The following CTNNA3 variants were observed in gnomAD, a reference collection of about 807,000 sequenced individuals.
CTNNA3 encodes the protein catenin alpha-3.
Under a neutral mutation model 95.7 loss-of-function variants are expected in CTNNA3, and 76 were observed. That is an observed-to-expected ratio of 0.79 (90% confidence interval 0.66 to 0.96). CTNNA3 has a LOEUF of 0.96. CTNNA3 is among the 40% of genes least tolerant of loss of function. The probability of loss-of-function intolerance (pLI) is 0.00; values close to 1 mark genes in which losing one functional copy is unlikely to be tolerated. For missense variants in CTNNA3, 1,191 were observed against 1,089.8 expected, an observed-to-expected ratio of 1.09 and a Z score of -1.31; for synonymous variants, 431 against 374.4, an observed-to-expected ratio of 1.15 and a Z score of -1.74.
chr10:67,473,909 G>A (rs1241125546), intron 5 of CTNNA3, among the ~76,000 whole-genome samples: 1 of 152,044 alleles, frequency 6.6e-6, no homozygotes, highest in African/African-American at 2.4e-5. Flanking sequence ...GCCTTGACAG[G>A]AATGTAGCTA....
intron 2 of CTNNA3, among the ~76,000 whole-genome samples, chr10:67,611,087 G>A (rs1843440254): frequency 6.6e-6 from 1 of 152,114 alleles, no homozygotes; most frequent in African/African-American, 2.4e-5. Context: ...AATTCTGCAA[G>A]TTTAACATTC....
At chr10:66,173,723 C>T (rs1196471535) in intron 13 of CTNNA3, among the ~76,000 whole-genome samples, 3 of 151,982 alleles carry the variant, frequency 2.0e-5, no homozygotes, top group African/African-American at 7.2e-5. Context: ...ATTGAGAGAG[C>T]AAATGTGGTA....
At chr10:66,332,747 G>C (rs10822812) in intron 12 of CTNNA3, among the ~76,000 whole-genome samples, 45,049 of 151,882 alleles carry the variant, frequency 0.3, 7,853 homozygotes, top group Non-Finnish European at 0.39. Flanking sequence ...CTCATAAAAT[G>C]AGTTAGGGAG....
intron 10 of CTNNA3, among the ~76,000 whole-genome samples, chr10:66,588,288 T>G (rs1430796142): frequency 6.6e-6 from 1 of 152,160 alleles, no homozygotes; most frequent in African/African-American, 2.4e-5. Context: ...TCCATCTGGT[T>G]CACAGTGTAG....
chr10:67,355,998 A>G (rs1842795106), intron 5 of CTNNA3, among the ~76,000 whole-genome samples: 1 of 152,008 alleles, frequency 6.6e-6, no homozygotes, highest in Admixed American at 6.6e-5. Context: ...TACAACTTTA[A>G]AGACCATCAA....
chr10:66,606,671 G>A (rs904750519), intron 10 of CTNNA3, among the ~76,000 whole-genome samples: 22 of 151,960 alleles, frequency 1.4e-4, no homozygotes, highest in African/African-American at 5.1e-4. Context: ...CTCCCAAATG[G>A]CTTTTGGGTA....
At chr10:67,622,709 C>T (rs1411665644) in intron 2 of CTNNA3, among the ~76,000 whole-genome samples, 1 of 152,182 alleles carries the variant, frequency 6.6e-6, no homozygotes, top group African/African-American at 2.4e-5. Context: ...TTTTTCTCCA[C>T]TATTTGTGTC....
intron 13 of CTNNA3, among the ~76,000 whole-genome samples, chr10:66,123,250 C>A (rs1004146452): frequency 6.6e-6 from 1 of 152,048 alleles, no homozygotes; most frequent in African/African-American, 2.4e-5. Flanking sequence ...TTGGCCAAAA[C>A]GAAGGGGCTA....
intron 5 of CTNNA3, among the ~76,000 whole-genome samples, chr10:67,376,951 T>C (rs562246431): frequency 6.6e-6 from 1 of 152,338 alleles, no homozygotes; most frequent in African/African-American, 2.4e-5. Context: ...ATAGCTATGA[T>C]GCCTTTTGAA....
chr10:67,270,261 T>C (rs1035587494), intron 5 of CTNNA3, among the ~76,000 whole-genome samples: 4 of 152,136 alleles, frequency 2.6e-5, no homozygotes, highest in Non-Finnish European at 4.4e-5. Flanking sequence ...CATCTTGACA[T>C]GTTGCTCTTT....
chr10:66,361,528 C>CTT (rs1392084559), intron 12 of CTNNA3, among the ~76,000 whole-genome samples: 5 of 148,220 alleles, frequency 3.4e-5, no homozygotes, highest in African/African-American at 1.0e-4. Context: ...CTGCATCTTT[C>CTT]TCTCTTTCTT....
chr10:67,431,787 C>T (rs1250757776), intron 5 of CTNNA3, among the ~76,000 whole-genome samples: 3 of 151,938 alleles, frequency 2.0e-5, no homozygotes, highest in Non-Finnish European at 2.9e-5. Context: ...AATGAACCCA[C>T]ATGGCTTAAA....
chr10:67,097,933 A>G (rs1305514183), intron 7 of CTNNA3: 1 of 707,140 alleles, frequency 1.4e-6, no homozygotes, highest in Non-Finnish European at 2.3e-6. Flanking sequence ...AAAATCCAAG[A>G]TTGATTCATG....
intron 7 of CTNNA3, among the ~76,000 whole-genome samples, chr10:66,889,949 C>T (rs1845201439): frequency 6.6e-6 from 1 of 152,048 alleles, no homozygotes; most frequent in African/African-American, 2.4e-5. Flanking sequence ...CGCCACCACG[C>T]CCAGCTAATT....
At chr10:66,996,046 C>G (rs1851316455) in intron 7 of CTNNA3, among the ~76,000 whole-genome samples, 2 of 152,132 alleles carry the variant, frequency 1.3e-5, no homozygotes, top group South Asian at 4.1e-4. Flanking sequence ...ATTTTACCTA[C>G]TTATTTACAT....
At chr10:66,079,133 A>T (rs1019758406) in intron 14 of CTNNA3, 7 of 151,996 alleles carry the variant, frequency 4.6e-5, no homozygotes, top group African/African-American at 1.2e-4. Flanking sequence ...CTATTATTGT[A>T]TTATAGCATA....
At chr10:66,912,502 C>G (rs921143862) in intron 7 of CTNNA3, among the ~76,000 whole-genome samples, 2 of 151,880 alleles carry the variant, frequency 1.3e-5, no homozygotes, top group Non-Finnish European at 2.9e-5. Context: ...GAAAATTAAA[C>G]ACCTGTAAGA....
intron 7 of CTNNA3, among the ~76,000 whole-genome samples, chr10:67,014,834 C>G (rs1204263026): frequency 2.0e-5 from 3 of 151,592 alleles, no homozygotes; most frequent in African/African-American, 7.3e-5. Flanking sequence ...AAATGTTTAC[C>G]AAGGTAGAAA....
intron 5 of CTNNA3, among the ~76,000 whole-genome samples, chr10:67,368,566 G>A (rs1407053092): frequency 6.6e-6 from 1 of 152,142 alleles, no homozygotes; most frequent in African/African-American, 2.4e-5. Flanking sequence ...ATACATGAAT[G>A]TTCATGACAG....
Sources: gnomAD v4.1 joint callset for allele counts (sites outside exome capture counted in the v4.1 genomes callset) on GRCh38, gnomAD v4.1.1 for gene constraint, MANE v1.5 for transcripts, NCBI Gene and HGNC (gene_info 2026-07-23, HGNC 2026-07-21) for gene names.